Variants in CIAO2B observed in about 807,000 individuals in gnomAD.
The protein encoded by CIAO2B is MSS19-interacting protein of 18 kDa.
CIAO2B carries 20 observed loss-of-function variants against 16.4 expected under a neutral mutation model. That is an observed-to-expected ratio of 1.22 (90% CI 0.86 to 1.77). CIAO2B has a LOEUF of 1.77. CIAO2B is among the 40% of genes most tolerant of loss of function. CIAO2B has a pLI of 0.00. For missense variants in CIAO2B, 215 were observed against 222.4 expected (o/e 0.97, Z 0.21); for synonymous variants, 106 against 90.4 (o/e 1.17, Z -0.98).
rs1427172745 is a variant in CIAO2B, at chr16:66,932,100, G to T, written c.*103C>A. 3.7e-6 allele frequency: 3 copies of T among 803,124 alleles called. No individual in the cohort carries two copies. The African/African-American group carries it at 5.2e-5, about 14-fold the overall frequency. The allele number at this position is 803,124 out of a possible 1,614,324, so 49.7% of individuals were successfully genotyped here. A position where few individuals can be genotyped will look rare whatever the true frequency, so the allele number is the denominator to read the frequency against. ...TTAACTTTATTACAAAAAGCAAAAT[G>T]TTAGTTTCTCATTGTGAGTGATTCA... On this transcript the variant is annotated 3_prime_UTR_variant, in exon 5 of 5. Coordinates refer to ENST00000422424, the MANE Select transcript of CIAO2B (RefSeq NM_016062.4).
At chr16:66,933,535 T>C in intron 3 of CIAO2B, 79 bp downstream of exon 3, 1 of 1,539,442 alleles carries the variant, frequency 6.5e-7, no homozygotes, top group Non-Finnish European at 8.8e-7. Flanking sequence ...CCTATCCATG[T>C]TCATGCTCTC....
intron 4 of CIAO2B, 33 bp downstream of exon 4, chr16:66,932,747 G>A (rs778095233): frequency 1.1e-5 from 18 of 1,598,998 alleles, no homozygotes; most frequent in East Asian, 2.3e-5. Context: ...GGGGGTGCCC[G>A]GGCCAACACC....
At position 66,933,516 on chromosome 16, in the gene CIAO2B, C is replaced by T. The variant is rs1963104954; in HGVS notation, c.348+98G>A. 5 of 1,470,116 alleles carry T rather than the reference C, an allele frequency of 3.4e-6. No homozygotes were observed. The South Asian group carries it at 5.2e-5, about 15-fold the overall frequency. The allele number at this position is 1,470,116 out of a possible 1,614,324, so 91.1% of individuals were successfully genotyped here. On this transcript the variant is annotated intron_variant, in intron 3 of 4. Transcript: ENST00000422424. ...CTAATGGGGATCCTTCCAGGCCCCA[C>T]TCTGATGTCCTATCCATGTTCATGC...
Sources: gnomAD v4.1 joint callset for allele counts on GRCh38, gnomAD v4.1.1 for gene constraint, MANE v1.5 for transcripts, NCBI Gene and HGNC (gene_info 2026-07-23, HGNC 2026-07-21) for gene names.